The following HDAC4 variants were observed in gnomAD, a reference collection of about 807,000 sequenced individuals.
HDAC4 encodes the protein histone deacetylase 4.
A neutral mutation model predicts 135.1 loss-of-function variants in HDAC4; 16 were observed. The ratio of observed to expected loss-of-function variants is 0.12; its 90% CI spans 0.08 to 0.18. HDAC4 has a LOEUF of 0.18. HDAC4 is among the 10% of genes least tolerant of loss of function. The pLI is 1.00. For missense variants in HDAC4, 1,143 were observed against 1,511.8 expected (o/e 0.76, Z 4.05); for synonymous variants, 685 against 653.4 (o/e 1.05, Z -0.74).
intron 2 of HDAC4, among the ~76,000 whole-genome samples, chr2:239,314,356 A>G (rs560327617): frequency 6.6e-6 from 1 of 152,314 alleles, no homozygotes. Flanking sequence ...GAGGTCATCC[A>G]GGGTCAGGCT....
intron 2 of HDAC4, among the ~76,000 whole-genome samples, chr2:239,237,499 T>C (rs559211123): frequency 4.3e-4 from 66 of 151,934 alleles, no homozygotes; most frequent in African/African-American, 1.5e-3. Context: ...AGAGCACCAG[T>C]TTCGCAGGGC....
intron 2 of HDAC4, among the ~76,000 whole-genome samples, chr2:239,280,015 G>A (rs540999493): frequency 2.6e-5 from 4 of 152,136 alleles, no homozygotes; most frequent in Non-Finnish European, 4.4e-5. Flanking sequence ...TCCTGCGGAA[G>A]AGGACAGCAC....
At chr2:239,069,584 C>T (rs1180289165) in intron 22 of HDAC4, among the ~76,000 whole-genome samples, 5 of 80,878 alleles carry the variant, frequency 6.2e-5, no homozygotes, top group African/African-American at 2.2e-4. Context: ...AGCCCCACTG[C>T]ACTTGCTTGG....
intron 2 of HDAC4, among the ~76,000 whole-genome samples, chr2:239,346,806 C>A (rs1692720794): frequency 6.9e-6 from 1 of 144,736 alleles, no homozygotes; most frequent in African/African-American, 2.5e-5. Flanking sequence ...CACACACACC[C>A]TGTCTAAAAC....
chr2:239,301,467 C>CT (rs368766670), intron 2 of HDAC4, among the ~76,000 whole-genome samples: 20,066 of 130,026 alleles, frequency 0.15, 2,147 homozygotes, highest in East Asian at 0.56. Context: ...CTGGTGCTTT[C>CT]TTTCTTTTTT....
At chr2:239,235,106 G>C (rs1055241389) in intron 3 of HDAC4, among the ~76,000 whole-genome samples, 17 of 152,170 alleles carry the variant, frequency 1.1e-4, no homozygotes, top group African/African-American at 3.9e-4. Flanking sequence ...CCAGGCTCCA[G>C]TGTGCTGGGG....
intron 17 of HDAC4, among the ~76,000 whole-genome samples, chr2:239,090,434 T>C (rs1263717216): frequency 3.4e-5 from 3 of 87,166 alleles, no homozygotes; most frequent in Non-Finnish European, 7.3e-5. Flanking sequence ...CTATTTCCTT[T>C]TTTTTTTTTT....
intron 11 of HDAC4, among the ~76,000 whole-genome samples, chr2:239,128,789 C>T (rs973239835): frequency 6.6e-6 from 1 of 152,190 alleles, no homozygotes; most frequent in African/African-American, 2.4e-5. Flanking sequence ...ATGAGCTGCA[C>T]AGTCCCCTGC....
intron 14 of HDAC4, among the ~76,000 whole-genome samples, chr2:239,108,469 C>T (rs1418524388): frequency 6.6e-6 from 1 of 152,210 alleles, no homozygotes; most frequent in Non-Finnish European, 1.5e-5. Context: ...TGCCCTGCTG[C>T]AGCAGGCTGA....
intron 9 of HDAC4, among the ~76,000 whole-genome samples, chr2:239,135,411 A>G (rs2040882646): frequency 6.6e-6 from 1 of 152,240 alleles, no homozygotes; most frequent in South Asian, 2.1e-4. Context: ...CAGTGACGGC[A>G]GAGCTCAGGA....
At chr2:239,126,843 C>G in intron 11 of HDAC4, 149 bp from the exon 12 acceptor site, 1 of 837,010 alleles carries the variant, frequency 1.2e-6, no homozygotes, top group South Asian at 1.5e-5. Flanking sequence ...GGCTCGCTAA[C>G]TGGGCCCCTT....
chr2:239,203,461 A>T (rs2045877021), intron 3 of HDAC4, among the ~76,000 whole-genome samples: 1 of 152,200 alleles, frequency 6.6e-6, no homozygotes, highest in Non-Finnish European at 1.5e-5. Context: ...CACTTTCAGG[A>T]TATAAGAAAG....
rs1178245104 is a variant in HDAC4, at chr2:239,048,752, C to G, written c.*4345G>C. The G allele has an allele frequency of 6.6e-6, 1 of 152,240 alleles. No individual in the cohort carries two copies. Among genetic ancestry groups the G allele is most frequent in the Non-Finnish European group, 1.5e-5 (1 of 68,036 alleles). 9.4% of individuals were successfully genotyped at this position (152,240 alleles called of 1,614,324 possible). ...AAAGTGAGGCCGAGCTAAGAACACG[C>G]TCAGCTTCGTTACAATGAAGAAATG... On this transcript the variant is annotated 3_prime_UTR_variant, in exon 27 of 27. Transcript: ENST00000543185.
intron 2 of HDAC4, among the ~76,000 whole-genome samples, chr2:239,332,573 G>A (rs552363079): frequency 1.3e-5 from 2 of 150,884 alleles, no homozygotes; most frequent in Non-Finnish European, 2.9e-5. Flanking sequence ...ATAATCTAGC[G>A]AAAGCCATAC....
intron 2 of HDAC4, among the ~76,000 whole-genome samples, chr2:239,248,938 A>C (rs2048622814): frequency 6.6e-6 from 1 of 152,216 alleles, no homozygotes; most frequent in East Asian, 1.9e-4. Flanking sequence ...TTGGGGACAC[A>C]GTGTTGTAAG....
At chr2:239,237,493 C>T (rs1274033890) in intron 2 of HDAC4, among the ~76,000 whole-genome samples, 2 of 151,716 alleles carry the variant, frequency 1.3e-5, no homozygotes, top group African/African-American at 2.4e-5. Flanking sequence ...CGAAGGAGAG[C>T]ACCAGTTTCG....
intron 2 of HDAC4, among the ~76,000 whole-genome samples, chr2:239,290,664 C>CGCAG (rs1559333407): frequency 6.6e-6 from 1 of 152,096 alleles, no homozygotes; most frequent in Non-Finnish European, 1.5e-5. Flanking sequence ...CATGCGCGCA[C>CGCAG]GCATGCATTC....
intron 1 of HDAC4, among the ~76,000 whole-genome samples, chr2:239,374,598 T>C (rs1694872915): frequency 6.7e-6 from 1 of 150,332 alleles, no homozygotes; most frequent in African/African-American, 2.5e-5. Context: ...AGAGACGGGG[T>C]TTCACCGTTT....
At chr2:239,235,564 C>T (rs2047839410) in intron 3 of HDAC4, among the ~76,000 whole-genome samples, 1 of 152,222 alleles carries the variant, frequency 6.6e-6, no homozygotes, top group Non-Finnish European at 1.5e-5. Flanking sequence ...CACTGGTTCC[C>T]TCAGCCCCAC....
Sources: allele counts gnomAD v4.1 joint callset (sites outside exome capture counted in the v4.1 genomes callset), GRCh38; gene constraint gnomAD v4.1.1; transcripts MANE v1.5; gene names NCBI Gene and HGNC (gene_info 2026-07-23, HGNC 2026-07-21).